The following BRINP1 variants were observed in gnomAD, a reference collection of about 807,000 sequenced individuals.
BRINP1 encodes BMP/retinoic acid-inducible neural-specific protein 1.
A neutral mutation model predicts 72.9 loss-of-function variants in BRINP1; 17 were observed. The observed-to-expected ratio is 0.23, with a 90% confidence interval of 0.16 to 0.35. The LOEUF is 0.35. Among genes scored for constraint, BRINP1 ranks in the 10% least tolerant of loss-of-function variants. The pLI is 1.00. For missense variants in BRINP1, 850 were observed against 1,001.6 expected (o/e 0.85, Z 2.04); for synonymous variants, 418 against 378.5 (o/e 1.10, Z -1.21).
intron 5 of BRINP1, among the ~76,000 whole-genome samples, chr9:119,224,084 A>G (rs1395306297): frequency 6.6e-6 from 1 of 152,052 alleles, no homozygotes; most frequent in Non-Finnish European, 1.5e-5. Flanking sequence ...CCTTTCATTT[A>G]CCACTTTATT....
At chr9:119,346,684 G>A (rs1831456162) in intron 1 of BRINP1, among the ~76,000 whole-genome samples, 1 of 152,158 alleles carries the variant, frequency 6.6e-6, no homozygotes, top group Non-Finnish European at 1.5e-5. Flanking sequence ...GAATTGAGGG[G>A]TTCTGACAGT....
At chr9:119,229,586 CAGG>C (rs1411218482) in intron 5 of BRINP1, among the ~76,000 whole-genome samples, 1 of 151,992 alleles carries the variant, frequency 6.6e-6, no homozygotes, top group African/African-American at 2.4e-5. Flanking sequence ...CAAAAGAAGC[CAGG>C]AGGCTTCTCA....
At chr9:119,177,570 A>C (rs1829502687) in intron 7 of BRINP1, among the ~76,000 whole-genome samples, 1 of 152,084 alleles carries the variant, frequency 6.6e-6, no homozygotes, top group Admixed American at 6.5e-5. Context: ...CTCTGTTCCC[A>C]TCTGCAAGGC....
intron 2 of BRINP1, among the ~76,000 whole-genome samples, chr9:119,263,897 A>C (rs990659907): frequency 7.2e-5 from 11 of 152,184 alleles, no homozygotes; most frequent in East Asian, 3.9e-4. Context: ...CGTGAGCCAC[A>C]GCGCCCGGCC....
intron 2 of BRINP1, among the ~76,000 whole-genome samples, chr9:119,259,082 C>A (rs1830473375): frequency 6.6e-6 from 1 of 152,168 alleles, no homozygotes; most frequent in Admixed American, 6.5e-5. Context: ...TAGAGGATAT[C>A]AAGGAAAGCA....
intron 1 of BRINP1, among the ~76,000 whole-genome samples, chr9:119,346,704 A>G (rs928097435): frequency 1.3e-5 from 2 of 152,236 alleles, no homozygotes; most frequent in African/African-American, 4.8e-5. Context: ...TGACATTCAC[A>G]AAATTAAGAA....
intron 7 of BRINP1, among the ~76,000 whole-genome samples, chr9:119,177,048 G>A (rs570473787): frequency 6.6e-6 from 1 of 152,302 alleles, no homozygotes; most frequent in South Asian, 2.1e-4. Context: ...TGAGAGGAGA[G>A]GTCCCTTCTT....
chr9:119,202,399 T>C (rs1394702607), intron 7 of BRINP1, among the ~76,000 whole-genome samples: 3 of 152,146 alleles, frequency 2.0e-5, no homozygotes, highest in Non-Finnish European at 2.9e-5. Flanking sequence ...TTCTACAGCA[T>C]TCAGAGTTCA....
intron 5 of BRINP1, among the ~76,000 whole-genome samples, chr9:119,233,021 TC>T (rs1830161957): frequency 1.8e-5 from 2 of 111,280 alleles, no homozygotes; most frequent in Admixed American, 1.9e-4. Flanking sequence ...TCCTGTTCTT[TC>T]TTTTTTTTTT....
Position 119,242,150 on chromosome 9 carries a change from T to C in BRINP1, c.476A>G (p.Gln159Arg). 1.9e-6 allele frequency: 3 copies of C among 1,614,160 alleles called. No individual in the cohort carries two copies. The highest frequency in any genetic ancestry group is 4.5e-5 in the East Asian group (2 of 44,876). Reference protein sequence around the residue: ...RLDRKSGNATQSVEALHQLAS... With the variant: ...RLDRKSGNATRSVEALHQLAS... ...GAGCTGGTGCAGAGCTTCAACACTT[T>C]GAGTGGCATTCCCTGACTTCCTGTC... is the stretch of plus-strand genomic sequence containing the variant. Residue 159 changes from glutamine to arginine, a missense_variant, in exon 4 of 8, where the codon CAA becomes CGA. Transcript: ENST00000265922.
At chr9:119,238,466 A>C (rs1830213206) in intron 5 of BRINP1, among the ~76,000 whole-genome samples, 189 bp downstream of exon 5, 1 of 152,226 alleles carries the variant, frequency 6.6e-6, no homozygotes, top group South Asian at 2.1e-4. Context: ...CATATGTTAA[A>C]AAATTCTAAA....
At chr9:119,203,697 C>A (rs1242460689) in intron 7 of BRINP1, among the ~76,000 whole-genome samples, 1 of 152,168 alleles carries the variant, frequency 6.6e-6, no homozygotes, top group Admixed American at 6.5e-5. Flanking sequence ...TGAACCAAGG[C>A]AGTCTAACTC....
chr9:119,269,590 C>G lies in BRINP1; in HGVS notation c.219-20440G>C, dbSNP rs902792640. Among the ~76,000 whole-genome samples the G allele has an allele frequency of 2.0e-5, 3 of 152,206 alleles. No homozygotes were observed. In the South Asian group the frequency reaches 6.2e-4, roughly 32 times the overall value. ...AGTTTACAAAGCACATTTCAAATAC[C>G]TTAGTTTAATCCTCAAGGCTGCCTT... On this transcript the variant is annotated intron_variant, in intron 2 of 7. Transcript: ENST00000265922.
At chr9:119,271,742 G>T (rs991731507) in intron 2 of BRINP1, among the ~76,000 whole-genome samples, 4 of 151,884 alleles carry the variant, frequency 2.6e-5, no homozygotes, top group Admixed American at 2.6e-4. Context: ...GGCAAATCTA[G>T]GTAAAGAGTA....
At position 119,318,847 on chromosome 9, in the gene BRINP1, GTGTGTGT is replaced by G. The variant is rs1564247108; in HGVS notation, c.-50-5449_-50-5443del. 2.3e-4 allele frequency among the ~76,000 whole-genome samples: 15 copies of G among 63,846 alleles called. No individual in the cohort carries two copies. In the East Asian group the frequency reaches 4.6e-3, roughly 20 times the overall value. The allele number at this position is 63,846 out of a possible 152,430, so 41.9% of individuals were successfully genotyped here. On this transcript the variant is annotated intron_variant, in intron 1 of 7. Coordinates refer to ENST00000265922, the MANE Select transcript of BRINP1 (RefSeq NM_014618.3). ...TACATGGAAGAGAAATGTGTGGGGT[GTGTGTGT>G]GTGTGTGTGTGTGTGTGTGTGTGTG...
At chr9:119,232,699 G>A (rs1411673367) in intron 5 of BRINP1, among the ~76,000 whole-genome samples, 1 of 152,120 alleles carries the variant, frequency 6.6e-6, no homozygotes, top group Non-Finnish European at 1.5e-5. Flanking sequence ...ATTAGTAAAT[G>A]TATGAAAGAA....
At chr9:119,211,457 A>G (rs1829927095) in intron 6 of BRINP1, among the ~76,000 whole-genome samples, 1 of 151,048 alleles carries the variant, frequency 6.6e-6, no homozygotes, top group African/African-American at 2.5e-5. Flanking sequence ...TTGGTCTCCC[A>G]AAGTGCTGGG....
chr9:119,166,802 C>T lies in BRINP1; in HGVS notation c.*282G>A, dbSNP rs542690947. On this transcript the variant is annotated 3_prime_UTR_variant, in exon 8 of 8. Transcript: ENST00000265922. ...TTGCATATGCTTTCTCCCTTCTCCCCCAATACAGCACCTGAGGCCTAAGAA... is the reference window on the plus strand; with the variant it reads ...TTGCATATGCTTTCTCCCTTCTCCCTCAATACAGCACCTGAGGCCTAAGAA... 7 of 351,574 alleles carry T rather than the reference C, an allele frequency of 2.0e-5. 1 individual carries two copies. In the East Asian group the frequency reaches 3.5e-4, roughly 18 times the overall value. The allele number at this position is 351,574 out of a possible 1,614,324, so 21.8% of individuals were successfully genotyped here. A position where few individuals can be genotyped will look rare whatever the true frequency, so the allele number is the denominator to read the frequency against.
chr9:119,317,752 C>T (rs1831139986), intron 1 of BRINP1, among the ~76,000 whole-genome samples: 2 of 152,226 alleles, frequency 1.3e-5, no homozygotes, highest in African/African-American at 4.8e-5. Context: ...ACCCAGTCTT[C>T]AGCAACCTGA....
Sources: gnomAD v4.1 joint callset for allele counts (sites outside exome capture counted in the v4.1 genomes callset) on GRCh38, gnomAD v4.1.1 for gene constraint, MANE v1.5 for transcripts, NCBI Gene and HGNC (gene_info 2026-07-23, HGNC 2026-07-21) for gene names.